SETD2: variants seen among roughly 807,000 people sequenced by gnomAD.
SETD2 encodes histone-lysine N-methyltransferase SETD2.
A neutral mutation model predicts 242.1 loss-of-function variants in SETD2; 31 were observed. The observed-to-expected ratio is 0.13, with a 90% CI of 0.10 to 0.17. The LOEUF (loss-of-function observed/expected upper bound fraction) is 0.17. SETD2 is among the 10% of genes least tolerant of loss of function. SETD2 has a pLI of 1.00. For synonymous variants in SETD2, 1,006 were observed against 1,066.5 expected, an observed-to-expected ratio of 0.94 and a Z score of 1.11; for missense variants, 2,481 against 3,046.3, an observed-to-expected ratio of 0.81 and a Z score of 4.37.
At chr3:47,135,741 G>C (rs998933353) in intron 1 of SETD2, among the ~76,000 whole-genome samples, 2 of 152,132 alleles carry the variant, frequency 1.3e-5, no homozygotes, top group East Asian at 3.8e-4. Flanking sequence ...CTATCACCAT[G>C]ATCTCCATGA....
intron 16 of SETD2, among the ~76,000 whole-genome samples, chr3:47,044,128 G>A (rs776401373): frequency 1.1e-4 from 17 of 151,858 alleles, no homozygotes; most frequent in Non-Finnish European, 2.5e-4. Flanking sequence ...GGATCACGAG[G>A]TCAGGAGTTT....
intron 3 of SETD2, among the ~76,000 whole-genome samples, chr3:47,117,889 A>G (rs980487144): frequency 6.6e-6 from 1 of 152,254 alleles, no homozygotes; most frequent in Non-Finnish European, 1.5e-5. Flanking sequence ...TCTAAAAACA[A>G]AACAAAACAA....
At chr3:47,102,742 C>A (rs556265540) in intron 7 of SETD2, among the ~76,000 whole-genome samples, 1 of 134,036 alleles carries the variant, frequency 7.5e-6, no homozygotes, top group Non-Finnish European at 1.5e-5. Context: ...TGCAGTGAGC[C>A]GAGATCATGT....
Position 47,046,497 on chromosome 3 carries a change from G to C in SETD2, c.7088C>G (p.Pro2363Arg). The C allele has an allele frequency of 6.2e-7, 1 of 1,604,434 alleles. No homozygotes were observed. The highest frequency in any genetic ancestry group is 8.5e-7 in the Non-Finnish European group (1 of 1,174,714). ...TTIVAPGQPQ[P>R]LQPSEMVVTN... Reference sequence around the variant, plus strand: ...TGAAACATTTCTTACTGGCTGCAAGGGCTGAGGCTGCCCTGGTGCAACTAT... The same window carrying C: ...TGAAACATTTCTTACTGGCTGCAAGCGCTGAGGCTGCCCTGGTGCAACTAT... The change falls in exon 16 of 21, where the codon CCC becomes CGC. Residue 2363 changes from proline (P) to arginine (R), a missense_variant. By Grantham distance (103) the Pro-to-Arg change is moderately radical. Coordinates refer to ENST00000409792, the MANE Select transcript of SETD2 (RefSeq NM_014159.7).
At chr3:47,118,159 A>T (rs2042935235) in intron 3 of SETD2, among the ~76,000 whole-genome samples, 1 of 152,208 alleles carries the variant, frequency 6.6e-6, no homozygotes, top group Non-Finnish European at 1.5e-5. Context: ...CAATTCGTTA[A>T]TGAGTATATG....
intron 5 of SETD2, among the ~76,000 whole-genome samples, chr3:47,106,811 C>A (rs889528345): frequency 8.1e-3 from 913 of 112,692 alleles, no homozygotes; most frequent in African/African-American, 0.012. Flanking sequence ...GACTCCGTCT[C>A]AAAAAAAAAA....
chr3:47,113,868 G>C lies in SETD2; in HGVS notation c.4715+8C>G, dbSNP rs537315931. On this transcript the variant is annotated splice_region_variant and intron_variant, in intron 5 of 20. Transcript: ENST00000409792. ...AAGGAAGTGAAAGGTAATTAAAAAA[G>C]AACTTACGAAGGAAGGTCTTTGGCA... is the stretch of plus-strand genomic sequence containing the variant. The C allele has an allele frequency of 3.1e-6, 5 of 1,604,066 alleles. No individual in the cohort carries two copies. The South Asian group carries it at 3.3e-5, about 11-fold the overall frequency.
At chr3:47,056,157 C>T (rs985584041) in intron 15 of SETD2, among the ~76,000 whole-genome samples, 19 of 142,532 alleles carry the variant, frequency 1.3e-4, no homozygotes, top group Non-Finnish European at 2.7e-4. Flanking sequence ...TGGCATCTTG[C>T]CCTGTTGTCC....
chr3:47,048,460 T>G (rs2039633263), intron 15 of SETD2, among the ~76,000 whole-genome samples: 1 of 152,132 alleles, frequency 6.6e-6, no homozygotes, highest in Admixed American at 6.5e-5. Flanking sequence ...GACTGGAAGT[T>G]GCTTTGAGTA....
At chr3:47,152,407 G>T (rs2044006691) in intron 1 of SETD2, among the ~76,000 whole-genome samples, 1 of 152,162 alleles carries the variant, frequency 6.6e-6, no homozygotes, top group Non-Finnish European at 1.5e-5. Context: ...TTTCAACCAG[G>T]TCTGTGTGTG....
chr3:47,057,924 T>C (rs1434318015), intron 14 of SETD2, among the ~76,000 whole-genome samples: 1 of 152,070 alleles, frequency 6.6e-6, no homozygotes, highest in East Asian at 1.9e-4. Flanking sequence ...TGAAGAGAAA[T>C]AGTTGAAAAA....
chr3:47,061,196 C>T (rs1271575370), intron 14 of SETD2, among the ~76,000 whole-genome samples: 2 of 151,668 alleles, frequency 1.3e-5, no homozygotes, highest in African/African-American at 4.8e-5. Flanking sequence ...CCAGCCTGGG[C>T]AACAGAGCAA....
chr3:47,095,894 CA>C (rs1348668569), intron 9 of SETD2, among the ~76,000 whole-genome samples: 2 of 151,752 alleles, frequency 1.3e-5, no homozygotes, highest in Non-Finnish European at 2.9e-5. Flanking sequence ...GTAAAAAATG[CA>C]CACAAATACA....
intron 1 of SETD2, among the ~76,000 whole-genome samples, chr3:47,135,533 T>G (rs924573377): frequency 2.0e-5 from 3 of 152,224 alleles, no homozygotes; most frequent in Admixed American, 6.5e-5. Context: ...CGCCTTGGCC[T>G]CCCAAGTGTT....
intron 16 of SETD2, among the ~76,000 whole-genome samples, chr3:47,045,298 T>A (rs564677795): frequency 8.9e-4 from 135 of 152,120 alleles, no homozygotes; most frequent in Middle Eastern, 3.4e-3. Context: ...GGCGGGTAGA[T>A]CACGAGGTCA....
intron 1 of SETD2, among the ~76,000 whole-genome samples, chr3:47,145,790 G>C (rs2043836717): frequency 6.6e-6 from 1 of 151,970 alleles, no homozygotes; most frequent in African/African-American, 2.4e-5. Context: ...CCCCCAACAG[G>C]AGGAGTGCTT....
rs766455577 is a variant in SETD2 at position 47,106,493 on chromosome 3, TAAAAAAAAAAAAAAAAAAAA to T, written c.4716-393_4716-374del. Among the ~76,000 whole-genome samples, 5 of 57,266 alleles carry T rather than the reference TAAAAAAAAAAAAAAAAAAAA, an allele frequency of 8.7e-5. No homozygotes were observed. The East Asian group carries it at 2.0e-3, about 22-fold the overall frequency. 37.6% of individuals were successfully genotyped at this position (57,266 alleles called of 152,430 possible). Reference sequence around the variant, plus strand: ...CTGAAAAGTTAGAGGATTTTTGCTCTAAAAAAAAAAAAAAAAAAAAAAAAAAAAAAAAAGGCAGCCGGGCG... The same window carrying T: ...CTGAAAAGTTAGAGGATTTTTGCTCTAAAAAAAAAAAAAGGCAGCCGGGCG... On this transcript the variant is annotated intron_variant, in intron 5 of 20. Coordinates refer to ENST00000409792, the MANE Select transcript of SETD2 (RefSeq NM_014159.7).
At chr3:47,127,497 T>C (rs935831632) in intron 1 of SETD2, 6 of 420,652 alleles carry the variant, frequency 1.4e-5, no homozygotes, top group African/African-American at 8.2e-5. Flanking sequence ...AGAGGCTAAA[T>C]TGGGAGGATC....
At chr3:47,161,422 C>G (rs1025581961) in intron 1 of SETD2, among the ~76,000 whole-genome samples, 1 of 152,174 alleles carries the variant, frequency 6.6e-6, no homozygotes, top group African/African-American at 2.4e-5. Flanking sequence ...GCCTTTCTCT[C>G]TCCTCTCTCT....
Sources: gnomAD v4.1 joint callset for allele counts (sites outside exome capture counted in the v4.1 genomes callset) on GRCh38, gnomAD v4.1.1 for gene constraint, MANE v1.5 for transcripts, NCBI Gene and HGNC (gene_info 2026-07-23, HGNC 2026-07-21) for gene names.